RNF19A: variants seen among roughly 807,000 people sequenced by gnomAD.
The protein encoded by RNF19A is E3 ubiquitin-protein ligase RNF19A.
In RNF19A, 32 loss-of-function variants were observed where a neutral mutation model predicts 75.7. The ratio of observed to expected loss-of-function variants is 0.42; its 90% CI spans 0.32 to 0.57. RNF19A has a LOEUF of 0.57. RNF19A is among the 20% of genes least tolerant of loss of function. The probability of loss-of-function intolerance (pLI) is 0.10; values close to 1 mark genes in which losing one functional copy is unlikely to be tolerated. For missense variants in RNF19A, 782 were observed against 1,036.3 expected (o/e 0.75, Z 3.37); for synonymous variants, 335 against 345.2 (o/e 0.97, Z 0.33).
intron 1 of RNF19A, among the ~76,000 whole-genome samples, chr8:100,292,480 T>C (rs1169664953): frequency 6.7e-6 from 1 of 148,180 alleles, no homozygotes; most frequent in African/African-American, 2.6e-5. Flanking sequence ...ACGTATAAAT[T>C]GTATTTGACT....
intron 1 of RNF19A, among the ~76,000 whole-genome samples, chr8:100,296,840 C>T (rs942324218): frequency 6.6e-6 from 1 of 152,324 alleles, no homozygotes; most frequent in African/African-American, 2.4e-5. Context: ...GTTGAAGGTG[C>T]AACTCTTTCC....
At chr8:100,289,544 G>C (rs1310504806) in intron 1 of RNF19A, among the ~76,000 whole-genome samples, 1 of 152,172 alleles carries the variant, frequency 6.6e-6, no homozygotes, top group Non-Finnish European at 1.5e-5. Context: ...GATATGAAAA[G>C]TGCTCAACAT....
At chr8:100,268,558 TTC>T in intron 5 of RNF19A, 1 of 343,548 alleles carries the variant, frequency 2.9e-6, no homozygotes. Context: ...TACTAAAATT[TTC>T]AGATTCAGAA....
At position 100,287,839 on chromosome 8, in the gene RNF19A, A is replaced by G. The variant is rs1369245989; in HGVS notation, c.336T>C (p.Asn112=). ...CTDKNSIFST[N]TSSDNGLTSI... is the part of the protein sequence containing the mutation. ...AAGTTAATCCATTGTCAGAAGAGGT[A>G]TTTGTAGAGAAAATGGAGTTCTTAT... is the stretch of plus-strand genomic sequence containing the variant. The change falls in exon 2 of 10, where the codon AAT becomes AAC. Residue 112 remains asparagine (N), a synonymous_variant. Coordinates refer to ENST00000341084, the MANE Select transcript of RNF19A (RefSeq NM_183419.4). This position sits in a 1 kb window ranked among gnomAD's most constrained non-coding sequence, Gnocchi z 4.1. The G allele has an allele frequency of 1.9e-6, 3 of 1,614,184 alleles. No homozygotes were observed. The highest frequency in any genetic ancestry group is 1.1e-5 in the South Asian group (1 of 91,082).
intron 1 of RNF19A, among the ~76,000 whole-genome samples, chr8:100,302,889 TA>T (rs1039022616): frequency 6.6e-5 from 10 of 152,184 alleles, no homozygotes; most frequent in African/African-American, 2.4e-4. Context: ...AAAGAAACGA[TA>T]CAAGCAAAAT....
intron 1 of RNF19A, chr8:100,309,414 A>G: frequency 1.0e-6 from 1 of 985,478 alleles, no homozygotes; most frequent in Non-Finnish European, 1.2e-6. Context: ...AGCCGATTTC[A>G]CCCGTCAGGA....
chr8:100,274,439 A>C (rs1820405793), intron 3 of RNF19A, among the ~76,000 whole-genome samples: 1 of 152,262 alleles, frequency 6.6e-6, no homozygotes, highest in African/African-American at 2.4e-5. Flanking sequence ...GTATAAAAAA[A>C]CATTTATGTT....
intron 1 of RNF19A, among the ~76,000 whole-genome samples, chr8:100,305,078 G>A (rs1326955352): frequency 1.3e-5 from 2 of 152,160 alleles, no homozygotes; most frequent in Non-Finnish European, 2.9e-5. Flanking sequence ...TGGCATGACA[G>A]GTGCCTGCCA....
rs746931499 is a variant in RNF19A, at chr8:100,324,889, C to CTT, written c.-243+11218_-243+11219insAA. 6.9e-6 allele frequency among the ~76,000 whole-genome samples: 1 copy of CTT among 145,688 alleles called. No individual in the cohort carries two copies. The highest frequency in any genetic ancestry group is 2.5e-5 in the African/African-American group (1 of 39,224). On this transcript the variant is annotated intron_variant, in intron 1 of 3. Coordinates refer to the RNF19A transcript ENST00000519527. This position sits in a 1 kb window ranked among gnomAD's most constrained non-coding sequence, Gnocchi z 4.2. ...CTCTTTCTCTTTTTTTTCTTTCTTT[C>CTT]TCTCTCTCTCTTTCTCTCTTTCTTT...
rs770977351 is a variant in RNF19A at position 100,269,989 on chromosome 8, C to T, written c.908G>A (p.Arg303Gln). 7 of 1,603,032 alleles carry T rather than the reference C, an allele frequency of 4.4e-6. No individual in the cohort carries two copies. Among genetic ancestry groups the T allele is most frequent in the Non-Finnish European group, 5.1e-6 (6 of 1,174,984 alleles). Reference protein sequence around the residue: ...AAADDIKPCPRCAAYIIKMND... With the variant: ...AAADDIKPCPQCAAYIIKMND... ...CATCTTTATTATATAAGCAGCACAT[C>T]GTGGACATGGCTTTATATCATCAGC... The change falls in exon 4 of 10, where the codon CGA (arginine) becomes CAA (glutamine). Residue 303 changes from arginine to glutamine, a missense_variant. Around this residue, in one of 7 missense-constraint regions of RNF19A, gnomAD observed 31 missense variants for 48.8 expected, o/e 0.64. Transcript: ENST00000341084. This position sits in a 1 kb window ranked among gnomAD's most constrained non-coding sequence, Gnocchi z 5.7.
rs984696433 is a variant in RNF19A at position 100,330,119 on chromosome 8, G to A, written c.-243+5989C>T. On this transcript the variant is annotated intron_variant, in intron 1 of 3. Coordinates refer to the RNF19A transcript ENST00000519527. The surrounding 1 kb of genome is among the most constrained non-coding windows in gnomAD (Gnocchi z 4.1). ...GAGTTCATAATTATTCTCTACCGAC[G>A]TTTCCATCCAAACACCATCCCTTCC... is the stretch of plus-strand genomic sequence containing the variant. Among the ~76,000 whole-genome samples, 39 of 152,118 alleles carry A rather than the reference G, an allele frequency of 2.6e-4. No homozygotes were observed. The highest frequency in any genetic ancestry group is 9.2e-4 in the African/African-American group (38 of 41,494).
chr8:100,261,436 C>T lies in RNF19A; in HGVS notation c.1682+106G>A, dbSNP rs1457378744. ...TTAACATTACTATTTTGAACCTTGACATAGTAGGGTTATATATAATCATCA... is the reference window on the plus strand; with the variant it reads ...TTAACATTACTATTTTGAACCTTGATATAGTAGGGTTATATATAATCATCA... On this transcript the variant is annotated intron_variant, in intron 8 of 9. Transcript: ENST00000341084. This position sits in a 1 kb window ranked among gnomAD's most constrained non-coding sequence, Gnocchi z 4.4. The T allele has an allele frequency of 1.0e-6, 1 of 984,642 alleles. No individual in the cohort carries two copies. The highest frequency in any genetic ancestry group is 1.6e-5 in the African/African-American group (1 of 61,908). The allele number at this position is 984,642 out of a possible 1,614,324, so 61.0% of individuals were successfully genotyped here.
Position 100,261,565 on chromosome 8 carries a change from A to G in RNF19A, c.1659T>C (p.Ser553=), listed in dbSNP as rs766104272. 2 of 1,613,968 alleles carry G rather than the reference A, an allele frequency of 1.2e-6. No homozygotes were observed. Among genetic ancestry groups the G allele is most frequent in the Admixed American group, 1.7e-5 (1 of 59,990 alleles). Residue 553 remains serine (S), a synonymous_variant, in exon 8 of 10, where the codon AGT becomes AGC. Coordinates refer to ENST00000341084, the MANE Select transcript of RNF19A (RefSeq NM_183419.4). The surrounding 1 kb of genome is among the most constrained non-coding windows in gnomAD (Gnocchi z 4.4). The part of the protein sequence containing the change: ...GASITGSLSG[S]AMVNCFNRLE... The stretch of plus-strand genomic sequence containing the variant: ...ACCTGTTAAAACAGTTTACCATGGC[A>G]CTTCCTGACAGACTCCCCGTTATAC...
At position 100,261,906 on chromosome 8, in the gene RNF19A, G is replaced by T; in HGVS notation, c.1469-151C>A. ...TTTTTTTCAGGCTAGTCCACTAGAA[G>T]CAGTGGGAATAGAGCCAACAATTTT... On this transcript the variant is annotated intron_variant, in intron 7 of 9. Coordinates refer to ENST00000341084, the MANE Select transcript of RNF19A (RefSeq NM_183419.4). The surrounding 1 kb of genome is among the most constrained non-coding windows in gnomAD (Gnocchi z 4.4). The T allele has an allele frequency of 1.3e-6, 1 of 772,876 alleles. No individual in the cohort carries two copies. Among genetic ancestry groups the T allele is most frequent in the Non-Finnish European group, 2.1e-6 (1 of 479,994 alleles). 47.9% of individuals were successfully genotyped at this position (772,876 alleles called of 1,614,324 possible).
rs533721821 is a variant in RNF19A at position 100,304,413 on chromosome 8, TATACCCTAAG to T, written c.-94+5444_-94+5453del. Among the ~76,000 whole-genome samples the T allele has an allele frequency of 1.6e-4, 24 of 152,336 alleles. No individual in the cohort carries two copies. In the South Asian group the frequency reaches 4.8e-3, roughly 30 times the overall value. ...TACAGTCATTGTACTATATACATCATATACCCTAAGATAACAGGCTTTTCTAAATGGTTAC... is the reference window on the plus strand; with the variant it reads ...TACAGTCATTGTACTATATACATCATATAACAGGCTTTTCTAAATGGTTAC... On this transcript the variant is annotated intron_variant, in intron 1 of 9. Coordinates refer to ENST00000341084, the MANE Select transcript of RNF19A (RefSeq NM_183419.4).
chr8:100,297,517 C>T (rs1197397722), intron 1 of RNF19A, among the ~76,000 whole-genome samples: 3 of 152,176 alleles, frequency 2.0e-5, no homozygotes, highest in Non-Finnish European at 4.4e-5. Flanking sequence ...TTAGTCCTGG[C>T]CAATGCAATC....
At position 100,269,349 on chromosome 8, in the gene RNF19A, A is replaced by G. The variant is rs1820143665; in HGVS notation, c.1029-402T>C. On this transcript the variant is annotated intron_variant, in intron 4 of 9. Coordinates refer to ENST00000341084, the MANE Select transcript of RNF19A (RefSeq NM_183419.4). The surrounding 1 kb of genome is among the most constrained non-coding windows in gnomAD (Gnocchi z 5.7). ...CTCTGTAGCCTAAACGATAAAATTT[A>G]TGTATGGGAAAATTCAATGAAGTAT... is the stretch of plus-strand genomic sequence containing the variant. 6.6e-6 allele frequency among the ~76,000 whole-genome samples: 1 copy of G among 151,660 alleles called. No individual in the cohort carries two copies. Among genetic ancestry groups the G allele is most frequent in the Non-Finnish European group, 1.5e-5 (1 of 67,900 alleles).
rs1175910562 is a variant in RNF19A, at chr8:100,264,699, C to A, written c.1278G>T (p.Val426=). The change falls in exon 6 of 10, where the codon GTG becomes GTT. Residue 426 remains valine (V), a synonymous_variant. Transcript: ENST00000341084. The surrounding 1 kb of genome is among the most constrained non-coding windows in gnomAD (Gnocchi z 4.7). ...IAGGVTLSVI[V]SPVVAAVTVG... is the part of the protein sequence containing the mutation. ...CAGTCACTGCAGCTACTACTGGAGACACGATTACAGACAACGTTACACCAC... is the reference window on the plus strand; with the variant it reads ...CAGTCACTGCAGCTACTACTGGAGAAACGATTACAGACAACGTTACACCAC... The A allele has an allele frequency of 3.1e-6, 5 of 1,613,230 alleles. No homozygotes were observed. In the South Asian group the frequency reaches 4.4e-5, roughly 14 times the overall value.
At chr8:100,328,759 C>T (rs183450753) in intron 1 of RNF19A, among the ~76,000 whole-genome samples, 106 of 152,272 alleles carry the variant, frequency 7.0e-4, no homozygotes, top group Non-Finnish European at 1.3e-3. Flanking sequence ...CGTGAGACAC[C>T]GCACCTGGTC....
Sources: allele counts gnomAD v4.1 joint callset (sites outside exome capture counted in the v4.1 genomes callset), GRCh38; gene constraint gnomAD v4.1.1; regional missense constraint gnomAD v4.1.1; non-coding constraint Gnocchi (gnomAD v3.1); transcripts MANE v1.5; gene names NCBI Gene and HGNC (gene_info 2026-07-23, HGNC 2026-07-21).